ALK: variants seen among roughly 807,000 people sequenced by gnomAD.
ALK encodes ALK tyrosine kinase receptor.
In ALK, 74 loss-of-function variants were observed where a neutral mutation model predicts 163.1. The ratio of observed to expected loss-of-function variants is 0.45; its 90% CI spans 0.38 to 0.55. The LOEUF (loss-of-function observed/expected upper bound fraction) is 0.55. Among genes scored for constraint, ALK ranks in the 20% least tolerant of loss-of-function variants. The pLI is 0.00. For synonymous variants in ALK, 960 were observed against 843.2 expected, an observed-to-expected ratio of 1.14 and a Z score of -2.40; for missense variants, 2,063 against 2,105.3, an observed-to-expected ratio of 0.98 and a Z score of 0.39.
chr2:29,300,985 C>A (rs1414536605), intron 8 of ALK, among the ~76,000 whole-genome samples: 3 of 152,188 alleles, frequency 2.0e-5, no homozygotes, highest in Non-Finnish European at 4.4e-5. Context: ...GATGAGCATG[C>A]TGATTACTAA....
At chr2:29,233,082 T>C (rs1664262913) in intron 14 of ALK, among the ~76,000 whole-genome samples, 1 of 152,226 alleles carries the variant, frequency 6.6e-6, no homozygotes, top group Non-Finnish European at 1.5e-5. Context: ...AGTTCTACCC[T>C]TTCCTGGACA....
intron 1 of ALK, among the ~76,000 whole-genome samples, chr2:29,816,957 T>C (rs1664914343): frequency 6.6e-6 from 1 of 152,222 alleles, no homozygotes; most frequent in South Asian, 2.1e-4. Flanking sequence ...CTGACATTTA[T>C]TGAGTGCCTA....
chr2:29,322,879 T>A (rs1667112594), intron 6 of ALK, among the ~76,000 whole-genome samples: 1 of 152,008 alleles, frequency 6.6e-6, no homozygotes, highest in Admixed American at 6.5e-5. Flanking sequence ...CCAGGGCCCA[T>A]GATGGAAGAT....
At chr2:29,288,930 C>T (rs1224996441) in intron 9 of ALK, among the ~76,000 whole-genome samples, 15 of 129,106 alleles carry the variant, frequency 1.2e-4, no homozygotes, top group South Asian at 2.5e-4. Flanking sequence ...CCAGCCTGGG[C>T]GACAGAGGGA....
intron 9 of ALK, among the ~76,000 whole-genome samples, chr2:29,287,777 T>C (rs1665899203): frequency 6.6e-6 from 1 of 151,356 alleles, no homozygotes; most frequent in Non-Finnish European, 1.5e-5. Flanking sequence ...CCCACCCTTT[T>C]CTCTGGCCTT....
At chr2:29,471,565 G>C (rs1398503709) in intron 4 of ALK, among the ~76,000 whole-genome samples, 1 of 152,090 alleles carries the variant, frequency 6.6e-6, no homozygotes, top group Non-Finnish European at 1.5e-5. Flanking sequence ...TACAGAAAAA[G>C]CATTTGATAT....
intron 2 of ALK, among the ~76,000 whole-genome samples, chr2:29,700,492 C>T (rs531823173): frequency 5.3e-5 from 8 of 152,180 alleles, no homozygotes; most frequent in African/African-American, 1.7e-4. Flanking sequence ...TGCGGTGAGC[C>T]GAGACCCCAC....
chr2:29,608,609 T>C (rs185318938), intron 3 of ALK, among the ~76,000 whole-genome samples: 154 of 152,212 alleles, frequency 1.0e-3, no homozygotes, highest in African/African-American at 3.6e-3. Context: ...GTCATGGAGA[T>C]TTTCAGTGAA....
At chr2:29,576,923 A>G (rs1267073477) in intron 3 of ALK, among the ~76,000 whole-genome samples, 2 of 151,932 alleles carry the variant, frequency 1.3e-5, no homozygotes, top group East Asian at 3.9e-4. Context: ...CCAATTCTAC[A>G]TTATGGTGAA....
intron 4 of ALK, among the ~76,000 whole-genome samples, chr2:29,500,029 T>G (rs1446494367): frequency 6.6e-6 from 1 of 151,140 alleles, no homozygotes; most frequent in Non-Finnish European, 1.5e-5. Flanking sequence ...GGTTGGATGG[T>G]GCCCACTCCT....
intron 4 of ALK, among the ~76,000 whole-genome samples, chr2:29,407,533 T>C (rs890746808): frequency 1.3e-5 from 2 of 152,244 alleles, no homozygotes; most frequent in Non-Finnish European, 2.9e-5. Flanking sequence ...GGCCCAGGCC[T>C]GTCCAACTTC....
chr2:29,243,237 A>G (rs1281210486), intron 12 of ALK, among the ~76,000 whole-genome samples: 4 of 152,176 alleles, frequency 2.6e-5, no homozygotes, highest in Non-Finnish European at 5.9e-5. Context: ...GACCCCAAGA[A>G]GAAGCACCTC....
At chr2:29,667,278 T>A (rs1458017242) in intron 3 of ALK, among the ~76,000 whole-genome samples, 1 of 152,136 alleles carries the variant, frequency 6.6e-6, no homozygotes, top group East Asian at 1.9e-4. Flanking sequence ...ATAGTGGCTA[T>A]ACTAATTTGA....
intron 16 of ALK, among the ~76,000 whole-genome samples, chr2:29,228,608 G>A (rs1445990278): frequency 6.6e-6 from 1 of 152,098 alleles, no homozygotes; most frequent in Non-Finnish European, 1.5e-5. Context: ...AGACTAGTCT[G>A]GCAAGCCAAA....
At chr2:29,231,094 T>G (rs1233347624) in intron 15 of ALK, among the ~76,000 whole-genome samples, 1 of 152,262 alleles carries the variant, frequency 6.6e-6, no homozygotes, top group South Asian at 2.1e-4. Flanking sequence ...TCCCAGCACT[T>G]TGGGAGGCCG....
intron 26 of ALK, 98 bp downstream of exon 26, chr2:29,207,073 A>G: frequency 2.2e-6 from 2 of 899,356 alleles, no homozygotes; most frequent in South Asian, 2.7e-5. Flanking sequence ...TTCCCTCCCT[A>G]CTAACACACG....
chr2:29,245,682 T>C (rs1369425091), intron 12 of ALK, among the ~76,000 whole-genome samples: 2 of 134,756 alleles, frequency 1.5e-5, no homozygotes, highest in Non-Finnish European at 3.1e-5. Context: ...CTGCACACAG[T>C]AGGGGCTTTA....
At position 29,910,396 on chromosome 2, in the gene ALK, A is replaced by G. The variant is rs1667670477; in HGVS notation, c.667+9597T>C. Among the ~76,000 whole-genome samples the G allele has an allele frequency of 2.0e-5, 3 of 152,338 alleles. 1 individual carries two copies. In the South Asian group the frequency reaches 6.2e-4, roughly 32 times the overall value. Reference sequence around the variant, plus strand: ...TAAAGTACGGGAACCATAAAAGTATAGCACAATTGTAATTGAATTCTTAGA... The same window carrying G: ...TAAAGTACGGGAACCATAAAAGTATGGCACAATTGTAATTGAATTCTTAGA... On this transcript the variant is annotated intron_variant, in intron 1 of 28. Coordinates refer to ENST00000389048, the MANE Select transcript of ALK (RefSeq NM_004304.5).
chr2:29,229,284 C>T (rs187314969), intron 15 of ALK, among the ~76,000 whole-genome samples: 1 of 152,246 alleles, frequency 6.6e-6, no homozygotes, highest in African/African-American at 2.4e-5. Flanking sequence ...CTGAGTACAC[C>T]CAGATGAGAG....
Sources: gnomAD v4.1 joint callset for allele counts (sites outside exome capture counted in the v4.1 genomes callset) on GRCh38, gnomAD v4.1.1 for gene constraint, MANE v1.5 for transcripts, NCBI Gene and HGNC (gene_info 2026-07-23, HGNC 2026-07-21) for gene names.